The following MAP3K2 variants were observed in gnomAD, a reference collection of about 807,000 sequenced individuals.
The protein encoded by MAP3K2 is MAP/ERK kinase kinase 2.
Under a neutral mutation model 80.3 loss-of-function variants are expected in MAP3K2, and 24 were observed. The ratio of observed to expected loss-of-function variants is 0.30; its 90% CI spans 0.22 to 0.42. The LOEUF (loss-of-function observed/expected upper bound fraction) is 0.42. Among genes scored for constraint, MAP3K2 ranks in the 10% least tolerant of loss-of-function variants. The pLI is 1.00. For synonymous variants in MAP3K2, 244 were observed against 253.7 expected (o/e 0.96, Z 0.36); for missense variants, 608 against 750.1 (o/e 0.81, Z 2.21).
rs1352231697 is a variant in MAP3K2 at position 127,339,099 on chromosome 2, T to A, written c.5-49A>T. The A allele has an allele frequency of 8.0e-6, 9 of 1,125,290 alleles. No individual in the cohort carries two copies. The highest frequency in any genetic ancestry group is 1.2e-5 in the Non-Finnish European group (9 of 759,780). The allele number at this position is 1,125,290 out of a possible 1,614,324, so 69.7% of individuals were successfully genotyped here. A position where few individuals can be genotyped will look rare whatever the true frequency, so the allele number is the denominator to read the frequency against. ...TACATAGAATTGTAATTGTGACATATATATCAACATGTATAGACATCAAAC... is the reference window on the plus strand; with the variant it reads ...TACATAGAATTGTAATTGTGACATAAATATCAACATGTATAGACATCAAAC... On this transcript the variant is annotated intron_variant, in intron 2 of 16. Coordinates refer to ENST00000682094, the MANE Select transcript of MAP3K2 (RefSeq NM_001371910.2). The surrounding 1 kb of genome is among the most constrained non-coding windows in gnomAD (Gnocchi z 4.2).
intron 1 of MAP3K2, among the ~76,000 whole-genome samples, chr2:127,358,918 A>C (rs757763666): frequency 2.0e-4 from 22 of 109,046 alleles, no homozygotes; most frequent in African/African-American, 5.1e-4. Flanking sequence ...CCAAAACAAT[A>C]AAAAAAAAAA....
At chr2:127,356,406 G>A (rs182899349) in intron 1 of MAP3K2, among the ~76,000 whole-genome samples, 14 of 151,566 alleles carry the variant, frequency 9.2e-5, no homozygotes, top group Admixed American at 2.6e-4. Flanking sequence ...TACTAAGTGT[G>A]CAATGGCATT....
At position 127,304,180 on chromosome 2, in the gene MAP3K2, C is replaced by G. The variant is rs907953384; in HGVS notation, c.*3399G>C. 1 of 152,014 alleles carries G rather than the reference C, an allele frequency of 6.6e-6. No homozygotes were observed. 9.4% of individuals were successfully genotyped at this position (152,014 alleles called of 1,614,324 possible). ...GGGTAACTGTGCCTTTTAAAACTTT[C>G]TAAGGCAATAGTCATTTTTTTAAGT... is the stretch of plus-strand genomic sequence containing the variant. On this transcript the variant is annotated 3_prime_UTR_variant, in exon 17 of 17. Coordinates refer to ENST00000682094, the MANE Select transcript of MAP3K2 (RefSeq NM_001371910.2).
intron 3 of MAP3K2, 66 bp downstream of exon 3, chr2:127,338,866 G>A: frequency 9.4e-7 from 1 of 1,059,044 alleles, no homozygotes. Flanking sequence ...CATTAAACAA[G>A]TCCTCCATAA....
At chr2:127,312,277 A>G (rs1685821609) in intron 15 of MAP3K2, among the ~76,000 whole-genome samples, 2 of 152,248 alleles carry the variant, frequency 1.3e-5, no homozygotes, top group African/African-American at 4.8e-5. Context: ...GAACAAAAAC[A>G]AAGGCAGAAG....
At chr2:127,356,554 T>G (rs1030264912) in intron 1 of MAP3K2, among the ~76,000 whole-genome samples, 5 of 152,264 alleles carry the variant, frequency 3.3e-5, no homozygotes, top group African/African-American at 1.2e-4. Context: ...AGTGTATCAC[T>G]GTTGCTCAGG....
intron 3 of MAP3K2, among the ~76,000 whole-genome samples, chr2:127,338,682 C>T (rs1312007412): frequency 6.6e-6 from 1 of 152,170 alleles, no homozygotes; most frequent in Non-Finnish European, 1.5e-5. Context: ...ATTATGGCTG[C>T]ACAGAATTCC....
chr2:127,334,650 C>T (rs1363632885), intron 5 of MAP3K2, among the ~76,000 whole-genome samples: 2 of 152,116 alleles, frequency 1.3e-5, no homozygotes, highest in Admixed American at 6.5e-5. Flanking sequence ...GGCTATGTTG[C>T]CTAGGCTAGT....
At chr2:127,311,294 C>T (rs1289870810) in intron 15 of MAP3K2, among the ~76,000 whole-genome samples, 1 of 152,160 alleles carries the variant, frequency 6.6e-6, no homozygotes, top group Non-Finnish European at 1.5e-5. Flanking sequence ...GCCACCGTCT[C>T]TAGAATACTT....
chr2:127,388,325 G>C (rs1687423065), upstream of MAP3K2: 1 of 985,392 alleles, frequency 1.0e-6, no homozygotes, highest in Admixed American at 6.1e-5. Context: ...TCCCACGTGG[G>C]CTGTGGACAG....
intron 9 of MAP3K2, among the ~76,000 whole-genome samples, chr2:127,324,852 G>A (rs1014656259): frequency 1.3e-5 from 2 of 152,096 alleles, no homozygotes; most frequent in African/African-American, 4.8e-5. Flanking sequence ...AGACCAGGAG[G>A]GGGAGCACGT....
At chr2:127,383,974 C>T (rs1272357166) in intron 1 of MAP3K2, among the ~76,000 whole-genome samples, 2 of 151,122 alleles carry the variant, frequency 1.3e-5, no homozygotes, top group Non-Finnish European at 2.9e-5. Context: ...CCCGGGTTCA[C>T]GCCATTCTCC....
rs549525419 is a variant in MAP3K2, at chr2:127,305,406, A to C, written c.*2173T>G. The C allele has an allele frequency of 1.3e-5, 2 of 152,284 alleles. No homozygotes were observed. Among genetic ancestry groups the C allele is most frequent in the South Asian group, 4.1e-4 (2 of 4,832 alleles). 9.4% of individuals were successfully genotyped at this position (152,284 alleles called of 1,614,324 possible). A position where few individuals can be genotyped will look rare whatever the true frequency, so the allele number is the denominator to read the frequency against. ...CTTGTTCTTCCCTGCAAACTGCTTC[A>C]ATTTTAAGAATATGAGAGAAGCGTT... On this transcript the variant is annotated 3_prime_UTR_variant, in exon 17 of 17. Coordinates refer to ENST00000682094, the MANE Select transcript of MAP3K2 (RefSeq NM_001371910.2).
chr2:127,352,891 C>T (rs556335301), intron 1 of MAP3K2, among the ~76,000 whole-genome samples: 5 of 152,206 alleles, frequency 3.3e-5, no homozygotes, highest in African/African-American at 4.8e-5. Context: ...GGTGGAGACG[C>T]GGTTTCGCTG....
intron 1 of MAP3K2, among the ~76,000 whole-genome samples, chr2:127,357,445 G>A (rs750091460): frequency 2.8e-4 from 42 of 152,132 alleles, no homozygotes; most frequent in African/African-American, 6.0e-4. Context: ...CAATGATTGC[G>A]CCACTGTACT....
At chr2:127,316,701 A>G (rs1194921370) in intron 14 of MAP3K2, among the ~76,000 whole-genome samples, 1 of 152,200 alleles carries the variant, frequency 6.6e-6, no homozygotes, top group Non-Finnish European at 1.5e-5. Flanking sequence ...AGCTCTTTGC[A>G]TTGCTACAGT....
At chr2:127,319,251 A>C (rs1055602896) in intron 12 of MAP3K2, among the ~76,000 whole-genome samples, 4 of 151,872 alleles carry the variant, frequency 2.6e-5, no homozygotes, top group Non-Finnish European at 4.4e-5. Context: ...AAAAAAAAAA[A>C]AAACCCTACC....
intron 1 of MAP3K2, among the ~76,000 whole-genome samples, chr2:127,372,763 A>G (rs991256359): frequency 3.9e-5 from 6 of 152,184 alleles, no homozygotes; most frequent in Non-Finnish European, 5.9e-5. Context: ...AGTGATCTTT[A>G]AAGGGAAAGA....
chr2:127,314,215 T>C (rs1286886615), intron 15 of MAP3K2, among the ~76,000 whole-genome samples: 1 of 152,164 alleles, frequency 6.6e-6, no homozygotes, highest in East Asian at 1.9e-4. Context: ...CAAAGCTCAG[T>C]TTGGGGCTCT....
Sources: gnomAD v4.1 joint callset for allele counts (sites outside exome capture counted in the v4.1 genomes callset) on GRCh38, gnomAD v4.1.1 for gene constraint, Gnocchi (gnomAD v3.1) non-coding constraint, MANE v1.5 for transcripts, NCBI Gene and HGNC (gene_info 2026-07-23, HGNC 2026-07-21) for gene names.